The following MAPK8 variants were observed in gnomAD, a reference collection of about 807,000 sequenced individuals.
MAPK8 encodes mitogen-activated protein kinase 8, also known as JUN N-terminal kinase.
In MAPK8, 13 loss-of-function variants were observed where a neutral mutation model predicts 52.9. That is an observed-to-expected ratio of 0.25 (90% CI 0.16 to 0.39). The LOEUF is 0.39. Among genes scored for constraint, MAPK8 ranks in the 10% least tolerant of loss-of-function variants. MAPK8 has a pLI of 1.00. For missense variants in MAPK8, 300 were observed against 519.2 expected (o/e 0.58, Z 4.10); for synonymous variants, 191 against 169.8 (o/e 1.12, Z -0.97).
At chr10:48,412,256 T>C (rs1487340862) in intron 5 of MAPK8, among the ~76,000 whole-genome samples, 2 of 152,212 alleles carry the variant, frequency 1.3e-5, no homozygotes, top group African/African-American at 4.8e-5. Context: ...CAAATGCACC[T>C]CTCTTGCTGC....
At chr10:48,341,176 T>C (rs1187303124) in intron 1 of MAPK8, among the ~76,000 whole-genome samples, 1 of 152,250 alleles carries the variant, frequency 6.6e-6, no homozygotes, top group Non-Finnish European at 1.5e-5. Context: ...CTGAACCCTA[T>C]TTAATATATA....
intron 1 of MAPK8, among the ~76,000 whole-genome samples, chr10:48,314,328 A>G (rs2132090927): frequency 6.6e-6 from 1 of 152,124 alleles, no homozygotes; most frequent in African/African-American, 2.4e-5. Flanking sequence ...AGGCTTAGTT[A>G]ACTCCTAAAG....
intron 2 of MAPK8, 29 bp downstream of exon 2, chr10:48,401,811 A>G (rs760472627): frequency 1.4e-6 from 2 of 1,390,362 alleles, no homozygotes; most frequent in Non-Finnish European, 1.9e-6. Context: ...AAATTAGGCA[A>G]AGAATCATTA....
intron 10 of MAPK8, chr10:48,430,574 T>TC (rs1190527667): frequency 6.5e-6 from 1 of 152,792 alleles, no homozygotes; most frequent in African/African-American, 2.4e-5. Context: ...CTACTTGCTG[T>TC]CCAGAAGCCT....
At chr10:48,315,664 A>G (rs890406036) in intron 1 of MAPK8, among the ~76,000 whole-genome samples, 5 of 146,364 alleles carry the variant, frequency 3.4e-5, no homozygotes, top group African/African-American at 1.3e-4. Flanking sequence ...CTGGTTATAT[A>G]TAAGAAAGCT....
intron 1 of MAPK8, among the ~76,000 whole-genome samples, chr10:48,329,139 G>A (rs573923005): frequency 1.5e-4 from 23 of 152,258 alleles, no homozygotes; most frequent in East Asian, 1.9e-4. Flanking sequence ...AGTAACTTGC[G>A]CAGGGTCATA....
At chr10:48,384,529 C>A (rs1292387260) in intron 1 of MAPK8, among the ~76,000 whole-genome samples, 2 of 151,974 alleles carry the variant, frequency 1.3e-5, no homozygotes, top group African/African-American at 2.4e-5. Flanking sequence ...CTGGGAAAGC[C>A]CATTAAGAAA....
At chr10:48,310,990 G>A (rs540334326) in intron 1 of MAPK8, among the ~76,000 whole-genome samples, 1 of 105,054 alleles carries the variant, frequency 9.5e-6, no homozygotes, top group African/African-American at 4.1e-5. Flanking sequence ...TCAGCCCTGA[G>A]TTCTAATCGT....
chr10:48,428,566 A>G (rs1394996202), intron 10 of MAPK8, among the ~76,000 whole-genome samples: 1 of 152,236 alleles, frequency 6.6e-6, no homozygotes, highest in Non-Finnish European at 1.5e-5. Flanking sequence ...GAAGAGATTT[A>G]GAGATTGGTT....
At chr10:48,384,346 C>T (rs1418104922) in intron 1 of MAPK8, among the ~76,000 whole-genome samples, 2 of 152,218 alleles carry the variant, frequency 1.3e-5, no homozygotes, top group Non-Finnish European at 1.5e-5. Flanking sequence ...AGCACTCCCT[C>T]TCCAGGTACA....
intron 1 of MAPK8, among the ~76,000 whole-genome samples, chr10:48,387,113 T>G (rs1357132839): frequency 6.6e-6 from 1 of 152,204 alleles, no homozygotes; most frequent in Admixed American, 6.5e-5. Context: ...GAATAGGTCT[T>G]TAAAAACCCA....
intron 1 of MAPK8, among the ~76,000 whole-genome samples, chr10:48,331,549 CT>C (rs1269407541): frequency 6.6e-5 from 10 of 152,196 alleles, no homozygotes; most frequent in Non-Finnish European, 1.3e-4. Flanking sequence ...GAGTCCACCC[CT>C]GTTCAGCTGT....
intron 7 of MAPK8, chr10:48,424,396 AT>A: frequency 1.4e-6 from 1 of 708,422 alleles, no homozygotes. Flanking sequence ...ACTCATTTTT[AT>A]TTTATACTGC....
Position 48,397,200 on chromosome 10 carries a change from A to C in MAPK8, c.-49-4412A>C, listed in dbSNP as rs149475753. Reference sequence around the variant, plus strand: ...GTCTCACTCTGTTGCCCAGGATAGCATGCAGTAGTGCTATCATAGCTCACT... The same window carrying C: ...GTCTCACTCTGTTGCCCAGGATAGCCTGCAGTAGTGCTATCATAGCTCACT... On this transcript the variant is annotated intron_variant, in intron 1 of 11. Transcript: ENST00000374189. Among the ~76,000 whole-genome samples, 1,178 of 151,700 alleles carry C rather than the reference A, an allele frequency of 7.8e-3. 14 individuals carry two copies. The highest frequency in any genetic ancestry group is 0.015 in the Admixed American group (230 of 15,242).
At chr10:48,334,958 C>G (rs1844542760) in intron 1 of MAPK8, among the ~76,000 whole-genome samples, 2 of 152,148 alleles carry the variant, frequency 1.3e-5, no homozygotes, top group South Asian at 4.1e-4. Context: ...GTTTCATTAT[C>G]CCCCTTATAA....
intron 6 of MAPK8, among the ~76,000 whole-genome samples, chr10:48,423,076 T>G (rs2043458337): frequency 6.6e-6 from 1 of 152,188 alleles, no homozygotes; most frequent in African/African-American, 2.4e-5. Context: ...TTCCCTCTTT[T>G]CCTGTTACAC....
At chr10:48,352,150 T>A (rs1458556147) in intron 1 of MAPK8, among the ~76,000 whole-genome samples, 1 of 152,224 alleles carries the variant, frequency 6.6e-6, no homozygotes, top group Non-Finnish European at 1.5e-5. Flanking sequence ...TTTATAATTT[T>A]AAAATGAAAA....
intron 1 of MAPK8, among the ~76,000 whole-genome samples, chr10:48,369,318 G>A (rs983747924): frequency 6.6e-6 from 1 of 152,184 alleles, no homozygotes; most frequent in Non-Finnish European, 1.5e-5. Flanking sequence ...ATGTAGATTG[G>A]ATATTGGAGT....
At chr10:48,318,903 G>T (rs1041018801) in intron 1 of MAPK8, among the ~76,000 whole-genome samples, 2 of 152,226 alleles carry the variant, frequency 1.3e-5, no homozygotes, top group Non-Finnish European at 2.9e-5. Context: ...AAAGGAATTA[G>T]GAGGATGAAG....
Sources: allele counts gnomAD v4.1 joint callset (sites outside exome capture counted in the v4.1 genomes callset), GRCh38; gene constraint gnomAD v4.1.1; transcripts MANE v1.5; gene names NCBI Gene and HGNC (gene_info 2026-07-23, HGNC 2026-07-21).